Variants in LTBP1 observed in about 807,000 individuals in gnomAD.
LTBP1 encodes the protein latent transforming growth factor beta binding protein 1.
In LTBP1, 129 loss-of-function variants were observed where a neutral mutation model predicts 207.6. That is an observed-to-expected ratio of 0.62 (90% CI 0.54 to 0.72). The LOEUF is 0.72. Among genes scored for constraint, LTBP1 ranks in the 30% least tolerant of loss-of-function variants. LTBP1 has a pLI of 0.00. For synonymous variants in LTBP1, 963 were observed against 833.7 expected (o/e 1.16, Z -2.67); for missense variants, 2,281 against 2,217.2 (o/e 1.03, Z -0.58).
At chr2:33,055,869 G>T (rs2076970136) in intron 3 of LTBP1, among the ~76,000 whole-genome samples, 1 of 152,168 alleles carries the variant, frequency 6.6e-6, no homozygotes, top group Non-Finnish European at 1.5e-5. Context: ...GTCCTTTGGA[G>T]ATTTCTTTGC....
chr2:33,037,048 C>CT (rs1224976177), intron 3 of LTBP1, among the ~76,000 whole-genome samples: 3 of 151,946 alleles, frequency 2.0e-5, no homozygotes, highest in Non-Finnish European at 2.9e-5. Flanking sequence ...CTTCTAAAAG[C>CT]TTTTTCTTTC....
chr2:33,053,324 T>G (rs2076836125), intron 3 of LTBP1, among the ~76,000 whole-genome samples: 2 of 152,180 alleles, frequency 1.3e-5, no homozygotes, highest in South Asian at 4.1e-4. Context: ...GTGGTACATT[T>G]GCTACAAATG....
intron 19 of LTBP1, among the ~76,000 whole-genome samples, chr2:33,287,635 G>A (rs567483431): frequency 6.6e-6 from 1 of 152,318 alleles, no homozygotes; most frequent in East Asian, 1.9e-4. Context: ...AATTTGGTGG[G>A]ATTAGTGATT....
chr2:33,112,904 A>G (rs1039371882), intron 4 of LTBP1, among the ~76,000 whole-genome samples: 1 of 152,238 alleles, frequency 6.6e-6, no homozygotes, highest in African/African-American at 2.4e-5. Context: ...CTTTTATAGC[A>G]TCTTCATTTT....
intron 5 of LTBP1, among the ~76,000 whole-genome samples, chr2:33,179,224 A>G (rs796437604): frequency 4.6e-5 from 7 of 152,246 alleles, no homozygotes; most frequent in African/African-American, 1.4e-4. Context: ...ATCAGCTATC[A>G]TAAGTGTTAG....
intron 7 of LTBP1, among the ~76,000 whole-genome samples, chr2:33,204,508 C>G (rs1479499236): frequency 6.6e-6 from 1 of 152,216 alleles, no homozygotes; most frequent in East Asian, 1.9e-4. Context: ...TTAGAATCTG[C>G]AAGCTCTAAC....
In LTBP1 at chr2:33,021,119, C is replaced by G. The variant is rs199665389; in HGVS notation, c.776C>G (p.Thr259Ser). The change falls in exon 3 of 34, where the codon ACT becomes AGT. Residue 259 changes from threonine (T) to serine (S), a missense_variant. This residue lies in a region of LTBP1 where 555 missense variants were observed against 491.0 expected (regional missense o/e 1.13). Coordinates refer to ENST00000404816, the MANE Select transcript of LTBP1 (RefSeq NM_206943.4). ...CATACTTCATCTAAGAAGGCAGACACTCTACCAAGAGTCAGCCCTGTGGCC... is the reference window on the plus strand; with the variant it reads ...CATACTTCATCTAAGAAGGCAGACAGTCTACCAAGAGTCAGCCCTGTGGCC... ...AKHTSSKKADTLPRVSPVAQM... is the reference protein window; with the variant it reads ...AKHTSSKKADSLPRVSPVAQM... 1.2e-6 allele frequency: 2 copies of G among 1,614,098 alleles called. No homozygotes were observed.
chr2:33,281,022 GA>G (rs1187638060), intron 19 of LTBP1, among the ~76,000 whole-genome samples: 1 of 152,164 alleles, frequency 6.6e-6, no homozygotes, highest in Non-Finnish European at 1.5e-5. Context: ...AGTGAGCTAT[GA>G]TTGTGCCACT....
chr2:33,119,646 T>C (rs958408426), intron 4 of LTBP1, among the ~76,000 whole-genome samples: 3 of 152,144 alleles, frequency 2.0e-5, no homozygotes, highest in African/African-American at 7.2e-5. Context: ...AAGCTCCGCC[T>C]CCCGGGTTCA....
intron 3 of LTBP1, among the ~76,000 whole-genome samples, chr2:33,062,685 G>A (rs1463272401): frequency 3.3e-5 from 5 of 152,188 alleles, no homozygotes; most frequent in Admixed American, 6.5e-5. Flanking sequence ...TACAGTAATC[G>A]CCTCTTTATC....
rs116895725 is a variant in LTBP1 at position 33,261,699 on chromosome 2, G to A, written c.2419-1023G>A. On this transcript the variant is annotated intron_variant, in intron 13 of 33. Transcript: ENST00000404816. ...TGGTAGAAATGAAGTTGGAATGAGA[G>A]CCTGGATGGTTTTGGAAGGGTAGGC... Among the ~76,000 whole-genome samples the A allele has an allele frequency of 1.0e-3, 156 of 152,306 alleles. 1 individual carries two copies. In the East Asian group the frequency reaches 0.026, roughly 26 times the overall value.
rs1472284752 is a variant in LTBP1, at chr2:33,186,923, A to G, written c.1269A>G (p.Pro423=). ...CSSRDKCQCP[P]NFTGKLCQIP... is the part of the protein sequence containing the mutation. ...CAAGGGACAAATGTCAGTGCCCTCC[A>G]AATTTCACAGGAAAACTTTGTCAGA... Residue 423 remains proline (P), a synonymous_variant, in exon 6 of 34, where the codon CCA becomes CCG. Transcript: ENST00000404816. 1 of 1,614,206 alleles carries G rather than the reference A, an allele frequency of 6.2e-7. No homozygotes were observed. The highest frequency in any genetic ancestry group is 8.5e-7 in the Non-Finnish European group (1 of 1,180,022).
chr2:33,351,392 A>G lies in LTBP1; in HGVS notation c.4000+3882A>G, dbSNP rs141699205. Among the ~76,000 whole-genome samples the G allele has an allele frequency of 9.8e-3, 1,491 of 152,370 alleles. 9 individuals carry two copies. Among genetic ancestry groups the G allele is most frequent in the South Asian group, 0.021 (99 of 4,822 alleles). On this transcript the variant is annotated intron_variant, in intron 26 of 33. Transcript: ENST00000404816. ...ATTTCTAATTTTAGGGCTGAGGACA[A>G]CAAGACATCAAATTCTTCTCAAAAT...
chr2:33,303,423 C>G (rs2094026787), intron 22 of LTBP1, among the ~76,000 whole-genome samples: 1 of 151,190 alleles, frequency 6.6e-6, no homozygotes, highest in South Asian at 2.1e-4. Flanking sequence ...GATCTCAGCT[C>G]ACTGCAAGCT....
chr2:33,262,290 C>G (rs2093035989), intron 13 of LTBP1, among the ~76,000 whole-genome samples: 3 of 152,210 alleles, frequency 2.0e-5, no homozygotes, highest in Non-Finnish European at 4.4e-5. Flanking sequence ...GGCACATCTG[C>G]TATATCCATT....
At chr2:33,192,893 A>C (rs1196751418) in intron 7 of LTBP1, among the ~76,000 whole-genome samples, 2 of 152,184 alleles carry the variant, frequency 1.3e-5, no homozygotes, top group African/African-American at 4.8e-5. Flanking sequence ...TTGCTTTTAT[A>C]ACAAGTCCAC....
At chr2:33,366,695 C>T (rs1454504830) in intron 31 of LTBP1, among the ~76,000 whole-genome samples, 8 of 152,184 alleles carry the variant, frequency 5.3e-5, no homozygotes, top group Non-Finnish European at 1.2e-4. Flanking sequence ...AAAACGGAGG[C>T]GTCTACATCT....
At chr2:33,099,416 C>T (rs923704725) in intron 3 of LTBP1, among the ~76,000 whole-genome samples, 2 of 152,262 alleles carry the variant, frequency 1.3e-5, no homozygotes, top group Middle Eastern at 3.4e-3. Flanking sequence ...CTAATTTGAA[C>T]AGATATCTAC....
chr2:33,152,254 TA>T (rs1294289473), intron 5 of LTBP1, among the ~76,000 whole-genome samples: 1 of 151,992 alleles, frequency 6.6e-6, no homozygotes, highest in African/African-American at 2.4e-5. Context: ...AAAAGTTGGC[TA>T]AGGACGTGAA....
Sources: gnomAD v4.1 joint callset for allele counts (sites outside exome capture counted in the v4.1 genomes callset) on GRCh38, gnomAD v4.1.1 for gene constraint, gnomAD v4.1.1 regional missense constraint, MANE v1.5 for transcripts, NCBI Gene and HGNC (gene_info 2026-07-23, HGNC 2026-07-21) for gene names.